Variants in MED13L observed in about 807,000 individuals in gnomAD.
MED13L encodes mediator of RNA polymerase II transcription subunit 13-like.
A neutral mutation model predicts 220.9 loss-of-function variants in MED13L; 7 were observed. That is an observed-to-expected ratio of 0.03 (90% confidence interval 0.02 to 0.06). The LOEUF (loss-of-function observed/expected upper bound fraction) is 0.06. MED13L is among the 10% of genes least tolerant of loss of function. The pLI is 1.00. For missense variants in MED13L, 1,965 were observed against 2,760.5 expected, an observed-to-expected ratio of 0.71 and a Z score of 6.46; for synonymous variants, 1,011 against 1,015.2, an observed-to-expected ratio of 1.00 and a Z score of 0.08.
rs1206006793 is a variant in MED13L, at chr12:116,079,847, TAAAC to T, written c.479+16818_479+16821del. On this transcript the variant is annotated intron_variant, in intron 4 of 30. Transcript: ENST00000281928. The stretch of plus-strand genomic sequence containing the variant: ...TCATAAATATTGATAAGAATCCACA[TAAAC>T]AAAAGCATCCTGGGGTCCTCAATTT... Among the ~76,000 whole-genome samples the T allele has an allele frequency of 2.6e-5, 4 of 152,234 alleles. No individual in the cohort carries two copies. In the East Asian group the frequency reaches 7.7e-4, roughly 29 times the overall value.
chr12:116,258,794 A>AAGGCTTTTT (rs1872268505), intron 1 of MED13L, among the ~76,000 whole-genome samples: 2 of 151,758 alleles, frequency 1.3e-5, no homozygotes, highest in Non-Finnish European at 2.9e-5. Context: ...AAAAAAAAAA[A>AAGGCTTTTT]AGGCTTTTTA....
At chr12:116,151,260 C>T (rs1056256094) in intron 2 of MED13L, among the ~76,000 whole-genome samples, 11 of 151,962 alleles carry the variant, frequency 7.2e-5, no homozygotes, top group African/African-American at 2.2e-4. Context: ...TTCATAAGGA[C>T]GTCAATTTTC....
At chr12:116,085,924 G>C (rs1871638940) in intron 4 of MED13L, among the ~76,000 whole-genome samples, 1 of 152,190 alleles carries the variant, frequency 6.6e-6, no homozygotes, top group East Asian at 1.9e-4. Context: ...AGGGAAGACA[G>C]AGTGGGTGGG....
chr12:116,133,400 A>G lies in MED13L; in HGVS notation c.311-21888T>C, dbSNP rs77455105. ...CAGGAAGTGCTAACAATCTGGAAAC[A>G]GCCTGTGCCTGAAGAAGAGCTCAAT... On this transcript the variant is annotated intron_variant, in intron 2 of 30. Transcript: ENST00000281928. Among the ~76,000 whole-genome samples the G allele has an allele frequency of 6.5e-3, 987 of 152,298 alleles. 9 individuals carry two copies. Among genetic ancestry groups the G allele is most frequent in the African/African-American group, 0.022 (926 of 41,572 alleles).
At chr12:116,115,498 G>A (rs933945625) in intron 2 of MED13L, among the ~76,000 whole-genome samples, 7 of 152,020 alleles carry the variant, frequency 4.6e-5, no homozygotes, top group African/African-American at 1.7e-4. Flanking sequence ...GATAAACAGA[G>A]TTTCATCAAA....
intron 13 of MED13L, among the ~76,000 whole-genome samples, chr12:116,004,718 C>T (rs1878944622): frequency 6.6e-6 from 1 of 152,154 alleles, no homozygotes; most frequent in African/African-American, 2.4e-5. Flanking sequence ...TCAATGACCC[C>T]TTCTTTCCAT....
chr12:116,111,932 G>A (rs1874126338), intron 2 of MED13L, among the ~76,000 whole-genome samples: 1 of 152,084 alleles, frequency 6.6e-6, no homozygotes, highest in South Asian at 2.1e-4. Context: ...GGAAAATCAA[G>A]AGGAAAAAAA....
intron 2 of MED13L, among the ~76,000 whole-genome samples, chr12:116,187,788 C>T (rs939658824): frequency 2.0e-5 from 3 of 151,610 alleles, no homozygotes; most frequent in African/African-American, 7.3e-5. Flanking sequence ...CTTTAACAGC[C>T]GATTTCCCAG....
intron 4 of MED13L, among the ~76,000 whole-genome samples, chr12:116,068,426 C>T (rs1870119756): frequency 6.6e-6 from 1 of 152,190 alleles, no homozygotes; most frequent in South Asian, 2.1e-4. Flanking sequence ...TCAAACACTA[C>T]CACTTCTTAA....
chr12:116,056,190 T>C (rs1868956551), intron 4 of MED13L, among the ~76,000 whole-genome samples: 1 of 152,142 alleles, frequency 6.6e-6, no homozygotes, highest in African/African-American at 2.4e-5. Context: ...GAGTGTACAA[T>C]CTGGCTTTAG....
chr12:116,108,404 C>CGG (rs1873787446), intron 3 of MED13L, among the ~76,000 whole-genome samples: 1 of 40,846 alleles, frequency 2.4e-5, no homozygotes. Context: ...GGGGGGGGCG[C>CGG]GTGGGGGGTG....
Position 116,102,782 on chromosome 12 carries a change from C to T in MED13L, c.396-6030G>A, listed in dbSNP as rs565214134. ...TGTCACCCAGGCTGGAGTGCAGTGG[C>T]GTGATCTTGGCTCACTGCTACCTCT... On this transcript the variant is annotated intron_variant, in intron 3 of 30. Coordinates refer to ENST00000281928, the MANE Select transcript of MED13L (RefSeq NM_015335.5). Among the ~76,000 whole-genome samples the T allele has an allele frequency of 1.0e-3, 127 of 125,296 alleles. 1 individual carries two copies. Among genetic ancestry groups the T allele is most frequent in the African/African-American group, 3.9e-3 (123 of 31,580 alleles). The allele number at this position is 125,296 out of a possible 152,430, so 82.2% of individuals were successfully genotyped here.
intron 2 of MED13L, among the ~76,000 whole-genome samples, chr12:116,188,820 C>T (rs1443460836): frequency 6.6e-6 from 1 of 152,112 alleles, no homozygotes. Flanking sequence ...TGGAATCATA[C>T]ACTATATAAC....
chr12:116,265,325 C>T (rs746426128), intron 1 of MED13L, among the ~76,000 whole-genome samples: 1 of 152,170 alleles, frequency 6.6e-6, no homozygotes, highest in Non-Finnish European at 1.5e-5. Context: ...AAACCAAAAT[C>T]GAATTTGTTT....
chr12:116,145,237 G>T (rs1268141733), intron 2 of MED13L, among the ~76,000 whole-genome samples: 1 of 152,108 alleles, frequency 6.6e-6, no homozygotes, highest in Non-Finnish European at 1.5e-5. Context: ...CCTTAACAAG[G>T]AATCCTGATA....
intron 2 of MED13L, among the ~76,000 whole-genome samples, chr12:116,146,629 C>T (rs181486443): frequency 2.7e-4 from 41 of 151,944 alleles, no homozygotes; most frequent in African/African-American, 4.6e-4. Context: ...CTTTGGGAGA[C>T]GAAGGCAGGG....
At chr12:116,270,541 T>C (rs542878301) in intron 1 of MED13L, among the ~76,000 whole-genome samples, 1 of 152,308 alleles carries the variant, frequency 6.6e-6, no homozygotes, top group East Asian at 1.9e-4. Context: ...AAAACGCTGA[T>C]GTACATGACT....
At chr12:116,163,673 T>C (rs530993278) in intron 2 of MED13L, among the ~76,000 whole-genome samples, 180 of 152,298 alleles carry the variant, frequency 1.2e-3, no homozygotes, top group Middle Eastern at 3.4e-3. Flanking sequence ...TTTTTAAGTG[T>C]ATTGAAAAGG....
At chr12:115,996,720 ACT>A in intron 15 of MED13L, 39 bp from the exon 16 acceptor site, 1 of 1,532,588 alleles carries the variant, frequency 6.5e-7, no homozygotes, top group Non-Finnish European at 9.0e-7. Context: ...ATATTGGTAA[ACT>A]CTGTAGAACA....
Sources: gnomAD v4.1 joint callset for allele counts (sites outside exome capture counted in the v4.1 genomes callset) on GRCh38, gnomAD v4.1.1 for gene constraint, MANE v1.5 for transcripts, NCBI Gene and HGNC (gene_info 2026-07-23, HGNC 2026-07-21) for gene names.